The following WDR7 variants were observed in gnomAD, a reference collection of about 807,000 sequenced individuals.
WDR7 encodes the protein WD repeat domain 7, also known as WD repeat-containing protein 7.
Under a neutral mutation model 169.4 loss-of-function variants are expected in WDR7, and 46 were observed. The observed-to-expected ratio is 0.27, with a 90% CI of 0.21 to 0.35. WDR7 has a LOEUF of 0.35. WDR7 is among the 10% of genes least tolerant of loss of function. WDR7 has a pLI of 1.00. For synonymous variants in WDR7, 612 were observed against 666.8 expected (o/e 0.92, Z 1.27); for missense variants, 1,534 against 1,859.3 (o/e 0.83, Z 3.22).
chr18:56,825,173 A>G (rs1469519562), intron 20 of WDR7, among the ~76,000 whole-genome samples: 1 of 152,224 alleles, frequency 6.6e-6, no homozygotes, highest in Non-Finnish European at 1.5e-5. Flanking sequence ...AGCAAAAGCC[A>G]GAGTCTTTAA....
intron 19 of WDR7, among the ~76,000 whole-genome samples, chr18:56,790,042 T>C (rs1416988407): frequency 2.6e-5 from 4 of 152,248 alleles, no homozygotes; most frequent in African/African-American, 9.6e-5. Context: ...ATTTGTGCCA[T>C]TATTCTGTAG....
Position 56,862,945 on chromosome 18 carries a change from A to G in WDR7, c.3305-16999A>G, listed in dbSNP as rs575805610. 6.6e-5 allele frequency among the ~76,000 whole-genome samples: 10 copies of G among 152,004 alleles called. No homozygotes were observed. The South Asian group carries it at 2.1e-3, about 31-fold the overall frequency. ...TAATTTAGAATAGTGTGTTACTCCT[A>G]TATACTTTTCAATAAAATAGTAATC... is the stretch of plus-strand genomic sequence containing the variant. On this transcript the variant is annotated intron_variant, in intron 20 of 27. Coordinates refer to ENST00000254442, the MANE Select transcript of WDR7 (RefSeq NM_015285.3).
chr18:56,791,200 A>C (rs866370943), intron 19 of WDR7, among the ~76,000 whole-genome samples: 1 of 152,322 alleles, frequency 6.6e-6, no homozygotes, highest in East Asian at 1.9e-4. Context: ...GGAAAAGATG[A>C]TGAAACTTAA....
At chr18:56,767,954 A>G (rs1221341808) in intron 16 of WDR7, among the ~76,000 whole-genome samples, 3 of 152,326 alleles carry the variant, frequency 2.0e-5, no homozygotes, top group East Asian at 3.9e-4. Context: ...GGACGATTCA[A>G]TATTTATTTC....
intron 19 of WDR7, among the ~76,000 whole-genome samples, chr18:56,800,894 C>T (rs531333679): frequency 7.9e-5 from 12 of 152,168 alleles, no homozygotes; most frequent in Non-Finnish European, 1.8e-4. Flanking sequence ...GTATTAGACA[C>T]TAAGATCTGA....
At chr18:56,739,767 G>T (rs190195860) in intron 14 of WDR7, among the ~76,000 whole-genome samples, 1 of 151,538 alleles carries the variant, frequency 6.6e-6, no homozygotes, top group African/African-American at 2.4e-5. Context: ...TTGGGGGGGG[G>T]AATAAGCTAT....
intron 13 of WDR7, among the ~76,000 whole-genome samples, chr18:56,729,980 C>G (rs1441504002): frequency 6.6e-6 from 1 of 152,168 alleles, no homozygotes; most frequent in Admixed American, 6.5e-5. Flanking sequence ...CTACCTATTT[C>G]AATTTCTTTT....
intron 26 of WDR7, among the ~76,000 whole-genome samples, chr18:56,963,733 G>A (rs111395732): frequency 1.3e-4 from 20 of 151,906 alleles, no homozygotes; most frequent in African/African-American, 4.6e-4. Context: ...CTTCTACTGT[G>A]GGCCCTCACT....
chr18:56,714,782 G>A (rs989268013), intron 12 of WDR7, among the ~76,000 whole-genome samples: 2 of 152,068 alleles, frequency 1.3e-5, no homozygotes, highest in Admixed American at 1.3e-4. Flanking sequence ...TATGTGAAAG[G>A]GGAATAAAAG....
chr18:56,765,350 A>AT (rs967448902), intron 16 of WDR7, among the ~76,000 whole-genome samples: 11 of 151,620 alleles, frequency 7.3e-5, no homozygotes, highest in South Asian at 2.1e-4. Context: ...GACTAAAAAG[A>AT]TTTTTTTTAT....
rs2044248875 is a variant in WDR7 at position 56,776,781 on chromosome 18, G to A, written c.2849-1G>A. 1 of 1,613,580 alleles carries A rather than the reference G, an allele frequency of 6.2e-7. No individual in the cohort carries two copies. The highest frequency in any genetic ancestry group is 8.5e-7 in the Non-Finnish European group (1 of 1,179,700). On this transcript the variant is annotated splice_acceptor_variant, in intron 16 of 27. Transcript: ENST00000254442. LOFTEE classifies it high-confidence loss of function. Reference sequence around the variant, plus strand: ...TTACTTCTTCTCTTTTCCTCTGCAAGTTGCTGCACCTGTCGTTTCCGCTCG... The same window carrying A: ...TTACTTCTTCTCTTTTCCTCTGCAAATTGCTGCACCTGTCGTTTCCGCTCG...
intron 16 of WDR7, among the ~76,000 whole-genome samples, chr18:56,768,530 C>A (rs1263646280): frequency 6.6e-6 from 1 of 152,146 alleles, no homozygotes; most frequent in Non-Finnish European, 1.5e-5. Flanking sequence ...CATGTACTCT[C>A]TTGAGTAGTA....
chr18:56,839,970 G>A (rs1445594764), intron 20 of WDR7, among the ~76,000 whole-genome samples: 1 of 152,188 alleles, frequency 6.6e-6, no homozygotes, highest in Admixed American at 6.5e-5. Context: ...GCTGAGGCAG[G>A]AGAATCTCTT....
intron 26 of WDR7, among the ~76,000 whole-genome samples, chr18:56,999,983 A>T (rs1262392317): frequency 6.6e-6 from 1 of 152,178 alleles, no homozygotes; most frequent in Admixed American, 6.5e-5. Flanking sequence ...TCTCTGTGAC[A>T]AATTCCTATC....
intron 20 of WDR7, among the ~76,000 whole-genome samples, chr18:56,836,322 C>G (rs1356465525): frequency 6.6e-6 from 1 of 152,160 alleles, no homozygotes; most frequent in Non-Finnish European, 1.5e-5. Context: ...AGCAACCAGC[C>G]CCTACCTCAC....
intron 19 of WDR7, among the ~76,000 whole-genome samples, chr18:56,783,527 A>G (rs1330925334): frequency 2.0e-5 from 3 of 152,120 alleles, no homozygotes; most frequent in Admixed American, 1.3e-4. Context: ...ATTTTTTTAA[A>G]AATAAGAATG....
intron 27 of WDR7, among the ~76,000 whole-genome samples, chr18:57,024,982 T>C (rs28401359): frequency 0.1 from 11,698 of 116,564 alleles, 1,770 homozygotes; most frequent in Middle Eastern, 0.13. Context: ...CAAAGGCATT[T>C]ATCAAAGTAG....
intron 25 of WDR7, among the ~76,000 whole-genome samples, chr18:56,940,230 C>G (rs2047015886): frequency 1.3e-5 from 2 of 152,028 alleles, no homozygotes; most frequent in African/African-American, 4.8e-5. Context: ...TCTATTTTTG[C>G]TCATTTTTAT....
rs191398562 is a variant in WDR7, at chr18:56,839,292, G to A, written c.3304+23148G>A. Among the ~76,000 whole-genome samples the A allele has an allele frequency of 1.0e-3, 156 of 152,146 alleles. 2 individuals are homozygous for A. Among genetic ancestry groups the A allele is most frequent in the Admixed American group, 7.6e-3 (116 of 15,274 alleles). Reference sequence around the variant, plus strand: ...AATTAAAGAGAATAATATAATGGACGCCCATTTACTAGTTACCTTCTTTAA... The same window carrying A: ...AATTAAAGAGAATAATATAATGGACACCCATTTACTAGTTACCTTCTTTAA... On this transcript the variant is annotated intron_variant, in intron 20 of 27. Transcript: ENST00000254442.
Sources: allele counts gnomAD v4.1 joint callset (sites outside exome capture counted in the v4.1 genomes callset), GRCh38; gene constraint gnomAD v4.1.1; transcripts MANE v1.5; gene names NCBI Gene and HGNC (gene_info 2026-07-23, HGNC 2026-07-21).